The following IMMP1L variants were observed in gnomAD, a reference collection of about 807,000 sequenced individuals.
IMMP1L encodes the protein mitochondrial inner membrane protease subunit 1.
In IMMP1L, 24 loss-of-function variants were observed where a neutral mutation model predicts 21.8. The observed-to-expected ratio is 1.10, with a 90% CI of 0.80 to 1.55. The LOEUF (loss-of-function observed/expected upper bound fraction) is 1.55. Ranked by LOEUF, IMMP1L falls within the 40% of genes most tolerant of loss-of-function variation. IMMP1L has a pLI of 0.00. For synonymous variants in IMMP1L, 46 were observed against 62.8 expected, an observed-to-expected ratio of 0.73 and a Z score of 1.26; for missense variants, 195 against 200.7, an observed-to-expected ratio of 0.97 and a Z score of 0.17.
At chr11:31,492,692 A>G (rs999499596) in intron 1 of IMMP1L, among the ~76,000 whole-genome samples, 2 of 152,218 alleles carry the variant, frequency 1.3e-5, no homozygotes, top group Admixed American at 1.3e-4. Flanking sequence ...TAATTTCAAT[A>G]TTGTTATGTC....
intron 1 of IMMP1L, chr11:31,477,356 T>C (rs1398756968): frequency 5.9e-6 from 1 of 168,850 alleles, no homozygotes; most frequent in Non-Finnish European, 1.2e-5. Flanking sequence ...AAGACATCAT[T>C]GATCAACTTT....
At chr11:31,504,037 A>G (rs1287547528) in intron 1 of IMMP1L, among the ~76,000 whole-genome samples, 7 of 152,242 alleles carry the variant, frequency 4.6e-5, no homozygotes, top group Admixed American at 4.6e-4. Context: ...AGGAAAAATA[A>G]ACACATCTTT....
At chr11:31,450,472 C>T (rs1314213149) in intron 4 of IMMP1L, among the ~76,000 whole-genome samples, 1 of 152,124 alleles carries the variant, frequency 6.6e-6, no homozygotes, top group Non-Finnish European at 1.5e-5. Context: ...TTTTATTCTG[C>T]TTAAAGAAAG....
At chr11:31,475,397 C>T (rs900967022) in intron 1 of IMMP1L, among the ~76,000 whole-genome samples, 2 of 152,136 alleles carry the variant, frequency 1.3e-5, no homozygotes. Context: ...TTAGCATTAT[C>T]ATAGGCTAAC....
chr11:31,504,642 C>A (rs1955726142), intron 1 of IMMP1L, among the ~76,000 whole-genome samples: 1 of 152,168 alleles, frequency 6.6e-6, no homozygotes, highest in Non-Finnish European at 1.5e-5. Context: ...GGAAACTATC[C>A]AAATCCCTTC....
At chr11:31,465,804 TAC>T (rs1419015030) in intron 1 of IMMP1L, among the ~76,000 whole-genome samples, 1 of 151,906 alleles carries the variant, frequency 6.6e-6, no homozygotes, top group Non-Finnish European at 1.5e-5. Context: ...TAAAATAAAT[TAC>T]AGACTTATAA....
intron 4 of IMMP1L, chr11:31,449,121 C>A: frequency 1.0e-6 from 1 of 978,136 alleles, no homozygotes; most frequent in Non-Finnish European, 1.2e-6. Context: ...TGTTTAGATA[C>A]TCTAGTTGTA....
intron 4 of IMMP1L, among the ~76,000 whole-genome samples, chr11:31,450,916 T>C (rs1241266955): frequency 6.6e-6 from 1 of 152,150 alleles, no homozygotes; most frequent in African/African-American, 2.4e-5. Context: ...TCAACTGCGA[T>C]TAAAATGAGT....
intron 1 of IMMP1L, among the ~76,000 whole-genome samples, chr11:31,496,467 T>C (rs1955439196): frequency 6.6e-6 from 1 of 152,136 alleles, no homozygotes; most frequent in South Asian, 2.1e-4. Flanking sequence ...GCAATTCCAT[T>C]GTATGGTATA....
intron 3 of IMMP1L, among the ~76,000 whole-genome samples, chr11:31,458,241 G>A (rs1243966058): frequency 6.6e-6 from 1 of 151,734 alleles, no homozygotes; most frequent in Non-Finnish European, 1.5e-5. Flanking sequence ...AATACATATC[G>A]GCTGGATTCT....
rs1255718955 is a variant in IMMP1L, at chr11:31,432,408, C to G, written c.*92G>C. The G allele has an allele frequency of 3.6e-6, 3 of 830,164 alleles. No homozygotes were observed. Among genetic ancestry groups the G allele is most frequent in the African/African-American group, 3.4e-5 (2 of 58,674 alleles). The allele number at this position is 830,164 out of a possible 1,614,324, so 51.4% of individuals were successfully genotyped here. Reference sequence around the variant, plus strand: ...ATTAAAAACAACTAAAACTGAATAGCAAATAGTTTATTGGTAAGTACACGG... The same window carrying G: ...ATTAAAAACAACTAAAACTGAATAGGAAATAGTTTATTGGTAAGTACACGG... On this transcript the variant is annotated 3_prime_UTR_variant, in exon 6 of 6. Coordinates refer to ENST00000532287, the MANE Select transcript of IMMP1L (RefSeq NM_001304274.2).
chr11:31,473,554 C>T (rs1954637352), intron 1 of IMMP1L, among the ~76,000 whole-genome samples: 1 of 152,092 alleles, frequency 6.6e-6, no homozygotes, highest in African/African-American at 2.4e-5. Flanking sequence ...AATAGAGACA[C>T]ATAGGAAAGA....
chr11:31,452,685 A>G, intron 4 of IMMP1L: 1 of 1,001,186 alleles, frequency 1.0e-6, no homozygotes, highest in South Asian at 4.3e-5. Flanking sequence ...CAGTTCATAC[A>G]TAACCCCAGG....
chr11:31,474,643 C>A (rs771646177), intron 1 of IMMP1L, among the ~76,000 whole-genome samples: 3 of 152,094 alleles, frequency 2.0e-5, no homozygotes, highest in Non-Finnish European at 4.4e-5. Context: ...CATGATCTTA[C>A]CACTGCACTC....
At chr11:31,449,578 A>C (rs1028541841) in intron 4 of IMMP1L, among the ~76,000 whole-genome samples, 2 of 152,212 alleles carry the variant, frequency 1.3e-5, no homozygotes, top group African/African-American at 4.8e-5. Flanking sequence ...GATAACACTT[A>C]ATCAGTCCTT....
intron 3 of IMMP1L, among the ~76,000 whole-genome samples, chr11:31,458,954 T>A (rs1954044715): frequency 6.6e-6 from 1 of 152,202 alleles, no homozygotes; most frequent in African/African-American, 2.4e-5. Flanking sequence ...AGGATTATTG[T>A]GAATAAAATT....
intron 4 of IMMP1L, chr11:31,436,949 A>T (rs1427166992): frequency 5.0e-6 from 1 of 198,914 alleles, no homozygotes; most frequent in Non-Finnish European, 1.1e-5. Flanking sequence ...ATCCATTTAC[A>T]GTAAAGGGAT....
At chr11:31,486,528 A>G (rs1306081619) in intron 1 of IMMP1L, among the ~76,000 whole-genome samples, 2 of 151,892 alleles carry the variant, frequency 1.3e-5, no homozygotes, top group African/African-American at 2.4e-5. Context: ...CTACAATAAA[A>G]GAAATGATAA....
intron 1 of IMMP1L, among the ~76,000 whole-genome samples, chr11:31,499,366 A>AAAAACC (rs1955546503): frequency 6.6e-6 from 1 of 150,534 alleles, no homozygotes; most frequent in African/African-American, 2.5e-5. Context: ...CTCCGTATCA[A>AAAAACC]AAAACAAAAC....
Sources: gnomAD v4.1 joint callset for allele counts (sites outside exome capture counted in the v4.1 genomes callset) on GRCh38, gnomAD v4.1.1 for gene constraint, MANE v1.5 for transcripts, NCBI Gene and HGNC (gene_info 2026-07-23, HGNC 2026-07-21) for gene names.